The following BCAR3 variants were observed in gnomAD, a reference collection of about 807,000 sequenced individuals.
The protein encoded by BCAR3 is breast cancer anti-estrogen resistance protein 3.
Under a neutral mutation model 80.1 loss-of-function variants are expected in BCAR3, and 37 were observed. The observed-to-expected ratio is 0.46, with a 90% confidence interval of 0.36 to 0.61. The LOEUF is 0.61. Ranked by LOEUF, BCAR3 falls within the 20% of genes least tolerant of loss-of-function variation. The probability of loss-of-function intolerance (pLI) is 0.00; values close to 1 mark genes in which losing one functional copy is unlikely to be tolerated. For synonymous variants in BCAR3, 389 were observed against 418.9 expected (o/e 0.93, Z 0.87); for missense variants, 978 against 1,068.2 (o/e 0.92, Z 1.18).
At chr1:93,813,614 T>C (rs559750486) in intron 2 of BCAR3, among the ~76,000 whole-genome samples, 1 of 152,364 alleles carries the variant, frequency 6.6e-6, no homozygotes, top group African/African-American at 2.4e-5. Flanking sequence ...TATCTCTGTG[T>C]TCTTCCTTGA....
chr1:93,822,666 A>G (rs1654269678), intron 2 of BCAR3, among the ~76,000 whole-genome samples: 1 of 152,170 alleles, frequency 6.6e-6, no homozygotes, highest in Admixed American at 6.6e-5. Context: ...GGCTGGAGAA[A>G]GGCACTTGAG....
intron 2 of BCAR3, among the ~76,000 whole-genome samples, chr1:93,778,631 C>T (rs927781777): frequency 6.6e-6 from 1 of 152,102 alleles, no homozygotes. Context: ...GTTTTACCCA[C>T]TACTCACACC....
At chr1:93,610,852 C>T (rs1415406844) in intron 3 of BCAR3, among the ~76,000 whole-genome samples, 1 of 151,696 alleles carries the variant, frequency 6.6e-6, no homozygotes, top group African/African-American at 2.4e-5. Flanking sequence ...GAGGCTGAGA[C>T]AGGAGAAGGC....
intron 8 of BCAR3, among the ~76,000 whole-genome samples, chr1:93,574,775 G>A (rs181367921): frequency 2.6e-5 from 4 of 152,312 alleles, no homozygotes; most frequent in Non-Finnish European, 5.9e-5. Flanking sequence ...CCGGAGAGAG[G>A]CTGGAACCTA....
intron 2 of BCAR3, among the ~76,000 whole-genome samples, chr1:93,717,849 G>A (rs1650244956): frequency 6.6e-6 from 1 of 152,174 alleles, no homozygotes; most frequent in Non-Finnish European, 1.5e-5. Context: ...TTGCGTAAGA[G>A]TCTGAGAGTG....
intron 3 of BCAR3, among the ~76,000 whole-genome samples, chr1:93,705,718 G>A (rs1649808674): frequency 6.6e-6 from 1 of 152,166 alleles, no homozygotes; most frequent in South Asian, 2.1e-4. Context: ...ACTGAAATGA[G>A]GATAATTATG....
chr1:93,571,582 G>T, intron 9 of BCAR3, 88 bp downstream of exon 9: 1 of 1,506,476 alleles, frequency 6.6e-7, no homozygotes, highest in Non-Finnish European at 9.2e-7. Context: ...TTACTTTTGA[G>T]ATTGACTAAA....
chr1:93,752,959 T>C (rs758310439), intron 2 of BCAR3: 2 of 152,256 alleles, frequency 1.3e-5, no homozygotes, highest in African/African-American at 2.4e-5. Context: ...TACTGCAGGC[T>C]TCACCTCTCT....
rs1433009335 is a variant in BCAR3 at position 93,586,331 on chromosome 1, C to T, written c.930-2210G>A. 6.6e-6 allele frequency among the ~76,000 whole-genome samples: 1 copy of T among 152,218 alleles called. No homozygotes were observed. Among genetic ancestry groups the T allele is most frequent in the Non-Finnish European group, 1.5e-5 (1 of 68,032 alleles). Reference sequence around the variant, plus strand: ...TTGTCTTTCTGTGTCTGGCTTATTTCACTTAACATAATGATCTCCAATTCC... The same window carrying T: ...TTGTCTTTCTGTGTCTGGCTTATTTTACTTAACATAATGATCTCCAATTCC... On this transcript the variant is annotated intron_variant, in intron 5 of 11. Transcript: ENST00000260502. This position sits in a 1 kb window ranked among gnomAD's most constrained non-coding sequence, Gnocchi z 4.2.
intron 2 of BCAR3, among the ~76,000 whole-genome samples, chr1:93,713,843 C>A (rs1571067734): frequency 6.6e-6 from 1 of 152,120 alleles, no homozygotes; most frequent in Non-Finnish European, 1.5e-5. Context: ...AAAATTATGC[C>A]CATTTCTGGA....
In BCAR3 at chr1:93,582,623, G is replaced by C. The variant is rs781484698; in HGVS notation, c.1364C>G (p.Thr455Arg). The C allele has an allele frequency of 6.8e-6, 11 of 1,613,852 alleles. No homozygotes were observed. The highest frequency in any genetic ancestry group is 3.3e-5 in the Admixed American group (2 of 59,990). Residue 455 changes from threonine (T) to arginine (R), a missense_variant, in exon 7 of 12, where the codon ACA becomes AGA. Transcript: ENST00000260502. Reference protein sequence around the residue: ...KLPSCAQGSHTELLTAKQNEA... With the variant: ...KLPSCAQGSHRELLTAKQNEA... ...ATTCTGCTTGGCTGTGAGCAGTTCT[G>C]TGTGGCTTCCCTGGGCACATGAGGG... is the stretch of plus-strand genomic sequence containing the variant.
rs1383752996 is a variant in BCAR3 at position 93,736,129 on chromosome 1, TTTTAAAA to T, written c.-62-29994_-62-29988del. On this transcript the variant is annotated intron_variant, in intron 2 of 13. Coordinates refer to the BCAR3 transcript ENST00000370244. ...TTAAGAAAAGAATCATGCAATTCCATTTTAAAACAATAAATTGAACATTCAATTGTAT... is the reference window on the plus strand; with the variant it reads ...TTAAGAAAAGAATCATGCAATTCCATCAATAAATTGAACATTCAATTGTAT... Among the ~76,000 whole-genome samples the T allele has an allele frequency of 2.6e-4, 39 of 152,358 alleles. 3 individuals carry two copies. Among genetic ancestry groups the T allele is most frequent in the Admixed American group, 1.2e-3 (19 of 15,314 alleles).
chr1:93,720,592 C>T (rs115797185), intron 2 of BCAR3, among the ~76,000 whole-genome samples: 3,224 of 152,294 alleles, frequency 0.021, 103 homozygotes, highest in African/African-American at 0.074. Context: ...GTCGATGCTC[C>T]GGTGCTGCGA....
At chr1:93,746,420 T>G (rs909778984) in intron 2 of BCAR3, among the ~76,000 whole-genome samples, 1 of 152,222 alleles carries the variant, frequency 6.6e-6, no homozygotes. Context: ...GTTGAGACCT[T>G]CTATGTTCTT....
intron 2 of BCAR3, among the ~76,000 whole-genome samples, chr1:93,729,583 A>G (rs1434352203): frequency 1.3e-5 from 2 of 152,180 alleles, no homozygotes; most frequent in Non-Finnish European, 2.9e-5. Context: ...GTTGTCACAG[A>G]GGCCTTAACC....
chr1:93,598,583 A>C (rs1031953560), intron 3 of BCAR3, among the ~76,000 whole-genome samples: 4 of 152,172 alleles, frequency 2.6e-5, no homozygotes, highest in African/African-American at 9.7e-5. Flanking sequence ...GCCCTCAAGG[A>C]AGGCACAGTC....
chr1:93,748,091 C>G (rs1179703990), intron 2 of BCAR3, among the ~76,000 whole-genome samples: 2 of 152,310 alleles, frequency 1.3e-5, no homozygotes, highest in South Asian at 4.2e-4. Flanking sequence ...TCCTTTCTTC[C>G]TCATTTCCTA....
rs147633962 is a variant in BCAR3 at position 93,571,773 on chromosome 1, G to A, written c.1871C>T (p.Ala624Val). The A allele has an allele frequency of 3.1e-4, 507 of 1,614,064 alleles. 2 individuals carry two copies. In the African/African-American group the frequency reaches 5.9e-3, roughly 19 times the overall value. Reference protein sequence around the residue: ...LGCTGTLEDRAATLSKIIQVA... With the variant: ...LGCTGTLEDRVATLSKIIQVA... ...CTGGATGATCTTACTCAGAGTGGCC[G>A]CTCGGTCCTCCAAAGTGCCCGTGCA... Residue 624 changes from alanine (A) to valine (V), a missense_variant, in exon 9 of 12, where the codon GCG (alanine) becomes GTG (valine). Physicochemically the swap from Ala to Val is moderately conservative, Grantham distance 64 (BLOSUM62 0). Transcript: ENST00000260502.
intron 2 of BCAR3, among the ~76,000 whole-genome samples, chr1:93,829,614 G>A (rs6685747): frequency 0.29 from 43,496 of 151,618 alleles, 7,196 homozygotes; most frequent in East Asian, 0.53. Flanking sequence ...GCCTCCCAAA[G>A]TGCTGGGATT....
Sources: gnomAD v4.1 joint callset for allele counts (sites outside exome capture counted in the v4.1 genomes callset) on GRCh38, gnomAD v4.1.1 for gene constraint, Gnocchi (gnomAD v3.1) non-coding constraint, MANE v1.5 for transcripts, NCBI Gene and HGNC (gene_info 2026-07-23, HGNC 2026-07-21) for gene names.